ZNF606: variants seen among roughly 807,000 people sequenced by gnomAD.
ZNF606 encodes the protein zinc finger protein 606, also known as zinc finger protein 328.
ZNF606 carries 37 observed loss-of-function variants against 74.9 expected under a neutral mutation model. That is an observed-to-expected ratio of 0.49 (90% CI 0.38 to 0.65). The LOEUF (loss-of-function observed/expected upper bound fraction) is 0.65, where lower values mean the gene tolerates loss of function less well. ZNF606 is among the 30% of genes least tolerant of loss of function. The probability of loss-of-function intolerance (pLI) is 0.00; values close to 1 mark genes in which losing one functional copy is unlikely to be tolerated. For missense variants in ZNF606, 852 were observed against 952.9 expected (o/e 0.89, Z 1.39); for synonymous variants, 328 against 312.4 (o/e 1.05, Z -0.53).
chr19:57,983,491 T>C (rs1350486967), intron 6 of ZNF606, among the ~76,000 whole-genome samples: 2 of 151,530 alleles, frequency 1.3e-5, no homozygotes, highest in Non-Finnish European at 2.9e-5. Flanking sequence ...GACAGGAGAA[T>C]TGCTTGAACC....
At chr19:57,994,258 C>T (rs1001074214) in intron 4 of ZNF606, among the ~76,000 whole-genome samples, 4 of 151,722 alleles carry the variant, frequency 2.6e-5, no homozygotes, top group Non-Finnish European at 4.4e-5. Context: ...GATCATCAGG[C>T]CCCCAACCCC....
At chr19:57,989,691 C>T (rs1391040474) in intron 4 of ZNF606, among the ~76,000 whole-genome samples, 2 of 151,870 alleles carry the variant, frequency 1.3e-5, no homozygotes, top group Non-Finnish European at 1.5e-5. Context: ...AAGTGATCCG[C>T]CCACCTTGGC....
intron 6 of ZNF606, among the ~76,000 whole-genome samples, chr19:57,985,966 G>T (rs901225075): frequency 1.3e-5 from 2 of 151,400 alleles, no homozygotes; most frequent in Non-Finnish European, 2.9e-5. Flanking sequence ...AATAAAAGCC[G>T]AAGAGAGAAT....
upstream of ZNF606, chr19:58,002,824 G>A (rs1208654292): frequency 1.6e-5 from 7 of 448,728 alleles, no homozygotes; most frequent in South Asian, 9.4e-5. Flanking sequence ...GTCGACCGGA[G>A]CGCGCCGCGG....
chr19:57,986,329 A>G (rs1458618933), intron 6 of ZNF606, among the ~76,000 whole-genome samples: 1 of 152,014 alleles, frequency 6.6e-6, no homozygotes, highest in East Asian at 1.9e-4. Context: ...GTGTGCACCT[A>G]TAGTCCCAGC....
At chr19:57,995,829 A>G (rs1180627174) in intron 4 of ZNF606, among the ~76,000 whole-genome samples, 1 of 152,134 alleles carries the variant, frequency 6.6e-6, no homozygotes, top group African/African-American at 2.4e-5. Flanking sequence ...AAAAAAGAAA[A>G]AGACTGTCTA....
At chr19:57,992,261 T>C (rs1315625704) in intron 4 of ZNF606, among the ~76,000 whole-genome samples, 1 of 152,158 alleles carries the variant, frequency 6.6e-6, no homozygotes, top group Non-Finnish European at 1.5e-5. Flanking sequence ...GGGGTCAGTC[T>C]GACAATACCT....
chr19:57,992,360 C>G (rs984495910), intron 4 of ZNF606, among the ~76,000 whole-genome samples: 3 of 152,180 alleles, frequency 2.0e-5, no homozygotes, highest in Non-Finnish European at 4.4e-5. Flanking sequence ...CCAGCACCAC[C>G]TATGAAGTAT....
chr19:57,987,314 C>G (rs929947082), intron 6 of ZNF606, among the ~76,000 whole-genome samples: 2 of 152,042 alleles, frequency 1.3e-5, no homozygotes, highest in African/African-American at 4.8e-5. Flanking sequence ...GGTGAAATCA[C>G]AGCTCACTAC....
intron 4 of ZNF606, among the ~76,000 whole-genome samples, chr19:57,995,189 C>CAAA (rs766350560): frequency 1.8e-4 from 9 of 49,484 alleles, no homozygotes; most frequent in Non-Finnish European, 2.2e-4. Context: ...GACTCTGACT[C>CAAA]AAAAAAAAAA....
At chr19:57,989,881 C>G (rs1052961565) in intron 4 of ZNF606, among the ~76,000 whole-genome samples, 1 of 143,404 alleles carries the variant, frequency 7.0e-6, no homozygotes. Context: ...GAAACCCCGT[C>G]TCTACTAAAA....
chr19:58,002,860 GCGGGC>G (rs1568588137), upstream of ZNF606: 1 of 436,466 alleles, frequency 2.3e-6, no homozygotes, highest in Non-Finnish European at 4.6e-6. Flanking sequence ...GTAGTTCCAG[GCGGGC>G]ACTTCCGGCG....
intron 1 of ZNF606, 51 bp from the exon 2 acceptor site, chr19:58,001,421 C>T: frequency 7.0e-7 from 1 of 1,418,588 alleles, no homozygotes; most frequent in South Asian, 1.2e-5. Context: ...CACAGAAGAC[C>T]AAGTGGGAAC....
Position 58,002,599 on chromosome 19 carries a change from G to A in ZNF606, c.-255C>T, listed in dbSNP as rs943114713. On this transcript the variant is annotated 5_prime_UTR_variant, in exon 1 of 7. Transcript: ENST00000551380. ...CCCGTCCGACCAGAAAACGAAGAAC[G>A]CCCGGAGGCGGGAGGCCGGAGGCAG... 76 of 445,150 alleles carry A rather than the reference G, an allele frequency of 1.7e-4. No homozygotes were observed. Among genetic ancestry groups the A allele is most frequent in the South Asian group, 1.6e-4 (10 of 63,532 alleles). 27.6% of individuals were successfully genotyped at this position (445,150 alleles called of 1,614,324 possible).
chr19:57,987,363 C>T (rs892611297), intron 6 of ZNF606, among the ~76,000 whole-genome samples: 5 of 152,016 alleles, frequency 3.3e-5, no homozygotes, highest in Admixed American at 1.3e-4. Context: ...CTCACCTCAG[C>T]CCCCTGAGTA....
chr19:57,985,224 T>C (rs897162529), intron 6 of ZNF606, among the ~76,000 whole-genome samples: 3 of 152,192 alleles, frequency 2.0e-5, no homozygotes, highest in African/African-American at 4.8e-5. Flanking sequence ...CTATATGGTG[T>C]TCTAACTTAC....
In ZNF606 at chr19:58,002,727, A is replaced by T. The variant is rs886343618; in HGVS notation, c.-383T>A. 10 of 453,406 alleles carry T rather than the reference A, an allele frequency of 2.2e-5. No individual in the cohort carries two copies. The highest frequency in any genetic ancestry group is 4.4e-5 in the Non-Finnish European group (10 of 225,790). 28.1% of individuals were successfully genotyped at this position (453,406 alleles called of 1,614,324 possible). A position where few individuals can be genotyped will look rare whatever the true frequency, so the allele number is the denominator to read the frequency against. On this transcript the variant is annotated 5_prime_UTR_variant, in exon 1 of 7. Coordinates refer to ENST00000551380, the MANE Select transcript of ZNF606 (RefSeq NM_001348022.3). ...CCGCCTCTCCCAGCCGGCTCTCCTGACCCCCCAAGCCCCGCAGCTACGGCG... is the reference window on the plus strand; with the variant it reads ...CCGCCTCTCCCAGCCGGCTCTCCTGTCCCCCCAAGCCCCGCAGCTACGGCG...
At chr19:57,999,754 T>A (rs777990503) in intron 4 of ZNF606, 54 bp downstream of exon 4, 4 of 1,562,016 alleles carry the variant, frequency 2.6e-6, no homozygotes, top group East Asian at 2.3e-5. Context: ...TCAACTGGGA[T>A]GACCAGGGAT....
intron 4 of ZNF606, chr19:57,998,027 T>A (rs1456011311): frequency 6.6e-6 from 1 of 152,210 alleles, no homozygotes; most frequent in Non-Finnish European, 1.5e-5. Flanking sequence ...GCGGTTTCAA[T>A]AATATTTTTT....
Sources: allele counts gnomAD v4.1 joint callset (sites outside exome capture counted in the v4.1 genomes callset), GRCh38; gene constraint gnomAD v4.1.1; transcripts MANE v1.5; gene names NCBI Gene and HGNC (gene_info 2026-07-23, HGNC 2026-07-21).